PUM1: variants seen among roughly 807,000 people sequenced by gnomAD.
PUM1 encodes the protein pumilio RNA binding family member 1, also known as pumilio homolog 1.
Under a neutral mutation model 131.8 loss-of-function variants are expected in PUM1, and 13 were observed. That is an observed-to-expected ratio of 0.10 (90% CI 0.06 to 0.16). The LOEUF (loss-of-function observed/expected upper bound fraction) is 0.16, where lower values mean the gene tolerates loss of function less well. Among genes scored for constraint, PUM1 ranks in the 10% least tolerant of loss-of-function variants. The pLI is 1.00. For synonymous variants in PUM1, 509 were observed against 556.5 expected (o/e 0.91, Z 1.20); for missense variants, 961 against 1,512.4 (o/e 0.64, Z 6.05).
rs532806413 is a variant in PUM1, at chr1:31,026,783, G to A, written c.432+2013C>T. On this transcript the variant is annotated intron_variant, in intron 3 of 21. Coordinates refer to ENST00000426105, the MANE Select transcript of PUM1 (RefSeq NM_001020658.2). ...GTTATTAATCAGATAATGCATAAAA[G>A]CCCCTTAGCATCTACCTATGATTGA... Among the ~76,000 whole-genome samples the A allele has an allele frequency of 2.0e-5, 3 of 152,260 alleles. No individual in the cohort carries two copies. The South Asian group carries it at 6.2e-4, about 32-fold the overall frequency.
At chr1:30,992,008 G>A (rs11578792) in intron 7 of PUM1, among the ~76,000 whole-genome samples, 11,100 of 152,224 alleles carry the variant, frequency 0.073, 576 homozygotes, top group South Asian at 0.15. Context: ...TCCTGACAGC[G>A]GTGGATAGTA....
intron 7 of PUM1, among the ~76,000 whole-genome samples, chr1:30,985,064 T>C (rs575544389): frequency 1.3e-5 from 2 of 152,208 alleles, no homozygotes; most frequent in Admixed American, 1.3e-4. Flanking sequence ...AGCTCACCAG[T>C]GACTTGCTAT....
chr1:31,064,687 G>GTAACAATC (rs1188753827), intron 1 of PUM1, among the ~76,000 whole-genome samples: 3 of 139,018 alleles, frequency 2.2e-5, no homozygotes, highest in African/African-American at 8.0e-5. Context: ...ACAATAAAAG[G>GTAACAATC]TAACAATCTA....
chr1:30,966,008 G>C lies in PUM1; in HGVS notation c.2060C>G (p.Ser687Cys). Residue 687 changes from serine to cysteine, a missense_variant, in exon 13 of 22, where the codon TCC becomes TGC. Coordinates refer to ENST00000426105, the MANE Select transcript of PUM1 (RefSeq NM_001020658.2). ...SSSSLGATLG[S>C]ALGGFGTAVA... ...TGCTGTTCCAAACCCTCCAAGGGCG[G>C]ATCCCAGGGTGGCGCCGAGAGAACT... The C allele has an allele frequency of 6.2e-7, 1 of 1,614,034 alleles. No individual in the cohort carries two copies. Among genetic ancestry groups the C allele is most frequent in the Non-Finnish European group, 8.5e-7 (1 of 1,179,960 alleles).
At chr1:30,954,029 C>G (rs1372481491) in intron 14 of PUM1, 48 bp from the exon 15 acceptor site, 5 of 1,567,590 alleles carry the variant, frequency 3.2e-6, no homozygotes, top group Non-Finnish European at 4.3e-6. Context: ...TCAGCAACTT[C>G]ATTCAAGAGA....
chr1:31,019,369 A>T (rs960596748), intron 3 of PUM1, among the ~76,000 whole-genome samples: 2 of 152,160 alleles, frequency 1.3e-5, no homozygotes, highest in African/African-American at 4.8e-5. Context: ...TAAATAAATA[A>T]ACAAATTTTA....
chr1:31,032,571 TA>T (rs11295813), intron 2 of PUM1, among the ~76,000 whole-genome samples: 115,282 of 144,522 alleles, frequency 0.8, 45,965 homozygotes, highest in African/African-American at 0.87. Flanking sequence ...ATCTTTTTTT[TA>T]AAAAAAAAAA....
In PUM1 at chr1:30,975,517, A is replaced by ATTT. The variant is rs751510345; in HGVS notation, c.1355-718_1355-716dup. Among the ~76,000 whole-genome samples the ATTT allele has an allele frequency of 8.8e-3, 741 of 84,130 alleles. 26 individuals carry two copies. Among genetic ancestry groups the ATTT allele is most frequent in the East Asian group, 0.04 (120 of 3,018 alleles). 55.2% of individuals were successfully genotyped at this position (84,130 alleles called of 152,430 possible). On this transcript the variant is annotated intron_variant, in intron 9 of 21. Coordinates refer to ENST00000426105, the MANE Select transcript of PUM1 (RefSeq NM_001020658.2). ...AGATGCATGCCACTATACCTGACTA[A>ATTT]TTTTTTTTTTTTTTTTTTTTTTTTT...
rs532213943 is a variant in PUM1 at position 30,955,479 on chromosome 1, C to A, written c.2324-1498G>T. On this transcript the variant is annotated intron_variant, in intron 14 of 21. Coordinates refer to ENST00000426105, the MANE Select transcript of PUM1 (RefSeq NM_001020658.2). ...GACTCCATCTGAAAAAAAAAAAAAA[C>A]CAAACCAAAACAAAACAAAACAAAA... Among the ~76,000 whole-genome samples, 145 of 145,800 alleles carry A rather than the reference C, an allele frequency of 9.9e-4. 1 individual carries two copies. Among genetic ancestry groups the A allele is most frequent in the African/African-American group, 3.0e-3 (121 of 40,438 alleles).
At chr1:31,021,749 A>G (rs1009261626) in intron 3 of PUM1, among the ~76,000 whole-genome samples, 1 of 152,154 alleles carries the variant, frequency 6.6e-6, no homozygotes, top group Non-Finnish European at 1.5e-5. Flanking sequence ...TGCTACTTGA[A>G]TTCCCCTTCA....
intron 2 of PUM1, among the ~76,000 whole-genome samples, chr1:31,042,305 C>CA (rs1208921927): frequency 7.7e-6 from 1 of 129,750 alleles, no homozygotes; most frequent in Non-Finnish European, 1.6e-5. Flanking sequence ...GACTCTGTAT[C>CA]AAAAATAAAT....
intron 9 of PUM1, among the ~76,000 whole-genome samples, chr1:30,979,118 A>G (rs929786150): frequency 2.0e-5 from 3 of 150,710 alleles, no homozygotes; most frequent in African/African-American, 7.3e-5. Flanking sequence ...AAAAAAAAAG[A>G]GAGAGAGAGA....
intron 2 of PUM1, among the ~76,000 whole-genome samples, chr1:31,041,276 T>C (rs777193598): frequency 2.0e-5 from 3 of 152,262 alleles, no homozygotes; most frequent in South Asian, 4.1e-4. Context: ...GGGGTCTTGG[T>C]ATGTTGCCCC....
At chr1:31,018,524 G>A (rs1040185745) in intron 3 of PUM1, among the ~76,000 whole-genome samples, 4 of 151,944 alleles carry the variant, frequency 2.6e-5, no homozygotes, top group African/African-American at 9.7e-5. Context: ...CAGGTGTCAT[G>A]GCATGCACCC....
intron 5 of PUM1, among the ~76,000 whole-genome samples, chr1:30,996,681 T>G (rs1003161004): frequency 1.2e-4 from 18 of 152,194 alleles, no homozygotes; most frequent in Non-Finnish European, 2.2e-4. Flanking sequence ...AATAGAATCT[T>G]TAAAGTATGT....
At chr1:30,947,414 TC>T (rs1351884916) in intron 17 of PUM1, among the ~76,000 whole-genome samples, 3 of 152,202 alleles carry the variant, frequency 2.0e-5, no homozygotes, top group Non-Finnish European at 2.9e-5. Flanking sequence ...CAGGAATGGT[TC>T]TCAATTAATG....
At chr1:30,976,523 T>G (rs961673427) in intron 9 of PUM1, among the ~76,000 whole-genome samples, 1 of 152,176 alleles carries the variant, frequency 6.6e-6, no homozygotes, top group Non-Finnish European at 1.5e-5. Context: ...CCAAAATAAA[T>G]AGACACATAT....
At chr1:31,050,002 G>A (rs59242142) in intron 2 of PUM1, among the ~76,000 whole-genome samples, 1 of 151,382 alleles carries the variant, frequency 6.6e-6, no homozygotes, top group Non-Finnish European at 1.5e-5. Context: ...GCTAATTTTT[G>A]TATTTTTTAG....
chr1:31,058,661 TAA>T (rs11418698), intron 2 of PUM1, among the ~76,000 whole-genome samples: 2 of 125,358 alleles, frequency 1.6e-5, no homozygotes, highest in Non-Finnish European at 1.7e-5. Flanking sequence ...GACTCCGTCT[TAA>T]AAAAAAAAAA....
Sources: gnomAD v4.1 joint callset for allele counts (sites outside exome capture counted in the v4.1 genomes callset) on GRCh38, gnomAD v4.1.1 for gene constraint, MANE v1.5 for transcripts, NCBI Gene and HGNC (gene_info 2026-07-23, HGNC 2026-07-21) for gene names.